Variants in IQCJ observed in about 807,000 individuals in gnomAD.
IQCJ encodes IQ domain-containing protein J.
Under a neutral mutation model 11.0 loss-of-function variants are expected in IQCJ, and 9 were observed. The observed-to-expected ratio is 0.82, with a 90% CI of 0.49 to 1.43. The LOEUF (loss-of-function observed/expected upper bound fraction) is 1.43. Ranked by LOEUF, IQCJ falls within the 40% of genes most tolerant of loss-of-function variation. The pLI, the probability that IQCJ is intolerant of heterozygous loss-of-function variation, is 0.00. For missense variants in IQCJ, 146 were observed against 133.2 expected, an observed-to-expected ratio of 1.10 and a Z score of -0.47; for synonymous variants, 55 against 51.3, an observed-to-expected ratio of 1.07 and a Z score of -0.31.
At chr3:159,187,863 C>T (rs549724192) in intron 1 of IQCJ, among the ~76,000 whole-genome samples, 50 of 152,276 alleles carry the variant, frequency 3.3e-4, no homozygotes, top group African/African-American at 1.2e-3. Flanking sequence ...CAAGCAGGAC[C>T]TGGAATCCCG....
intron 2 of IQCJ, among the ~76,000 whole-genome samples, chr3:159,252,150 C>G (rs552553082): frequency 6.6e-6 from 1 of 152,270 alleles, no homozygotes; most frequent in Non-Finnish European, 1.5e-5. Flanking sequence ...AAACTCATCC[C>G]AAGAGCTGCC....
Position 159,252,707 on chromosome 3 carries a change from G to C in IQCJ, c.75-20G>C, listed in dbSNP as rs757910685. On this transcript the variant is annotated intron_variant, in intron 2 of 3. Transcript: ENST00000397832. ...AACCTTCTGGATTGGGAGATATTGA[G>C]ACATTATTTCTGTTTCTAGTCACCA... 6.2e-7 allele frequency: 1 copy of C among 1,606,372 alleles called. No homozygotes were observed. Among genetic ancestry groups the C allele is most frequent in the East Asian group, 2.2e-5 (1 of 44,658 alleles).
intron 1 of IQCJ, among the ~76,000 whole-genome samples, chr3:159,118,276 G>A (rs1559992403): frequency 1.3e-5 from 2 of 152,154 alleles, no homozygotes; most frequent in Admixed American, 6.5e-5. Context: ...AGAAGAACAA[G>A]AAATCCTGGG....
At chr3:159,102,619 C>T (rs1328322600) in intron 1 of IQCJ, among the ~76,000 whole-genome samples, 2 of 152,174 alleles carry the variant, frequency 1.3e-5, no homozygotes, top group African/African-American at 4.8e-5. Context: ...ATTTCTAATA[C>T]ATTACTGTTT....
chr3:159,089,075 G>C (rs1052156471), intron 1 of IQCJ, among the ~76,000 whole-genome samples: 14 of 152,116 alleles, frequency 9.2e-5, no homozygotes, highest in Non-Finnish European at 1.9e-4. Flanking sequence ...TCCTTTACAT[G>C]TTTAGTGCTT....
intron 1 of IQCJ, among the ~76,000 whole-genome samples, chr3:159,234,325 A>C (rs572997727): frequency 1.1e-4 from 17 of 152,234 alleles, no homozygotes; most frequent in Non-Finnish European, 2.1e-4. Flanking sequence ...AGTTCAAAGA[A>C]ATGACATAGA....
chr3:159,236,093 A>T (rs779435139), intron 1 of IQCJ, among the ~76,000 whole-genome samples: 15 of 152,144 alleles, frequency 9.9e-5, no homozygotes, highest in Non-Finnish European at 2.1e-4. Context: ...TCATGTGACC[A>T]TAACTTAACT....
chr3:159,130,827 C>T (rs969573301), intron 1 of IQCJ, among the ~76,000 whole-genome samples: 10 of 152,094 alleles, frequency 6.6e-5, no homozygotes, highest in Middle Eastern at 3.4e-3. Flanking sequence ...TAATTTAGTC[C>T]GATTTACTTT....
At chr3:159,261,706 T>C (rs1728218454) in intron 3 of IQCJ, among the ~76,000 whole-genome samples, 1 of 152,198 alleles carries the variant, frequency 6.6e-6, no homozygotes, top group South Asian at 2.1e-4. Context: ...GAAAACGGAC[T>C]AATACACAGT....
Position 159,091,740 on chromosome 3 carries a change from C to G in IQCJ, c.9+22299C>G, listed in dbSNP as rs554992884. On this transcript the variant is annotated intron_variant, in intron 1 of 3. Transcript: ENST00000397832. ...CGGCAGCTTGAAGGACTTCCTTTGGCTAAAATTTGGGACAATTTGAGTATC... is the reference window on the plus strand; with the variant it reads ...CGGCAGCTTGAAGGACTTCCTTTGGGTAAAATTTGGGACAATTTGAGTATC... Among the ~76,000 whole-genome samples the G allele has an allele frequency of 2.7e-4, 41 of 149,598 alleles. 2 individuals carry two copies. Among genetic ancestry groups the G allele is most frequent in the African/African-American group, 9.5e-4 (38 of 40,158 alleles).
chr3:159,170,544 A>G (rs931848011), intron 1 of IQCJ, among the ~76,000 whole-genome samples: 6 of 152,188 alleles, frequency 3.9e-5, no homozygotes, highest in African/African-American at 1.4e-4. Context: ...TTTTATACCA[A>G]ACTAAACTTT....
rs532110428 is a variant in IQCJ, at chr3:159,180,625, G to A, written c.10-65218G>A. ...GGAGAGAGAGTGAAAACAAAAACAT[G>A]TAGTATGTTAACTAATAAATATAGA... On this transcript the variant is annotated intron_variant, in intron 1 of 3. Coordinates refer to ENST00000397832, the MANE Select transcript of IQCJ (RefSeq NM_001042706.3). 7.2e-5 allele frequency among the ~76,000 whole-genome samples: 11 copies of A among 152,040 alleles called. No individual in the cohort carries two copies. The East Asian group carries it at 1.2e-3, about 16-fold the overall frequency.
chr3:159,081,816 T>G (rs1272122254), intron 1 of IQCJ, among the ~76,000 whole-genome samples: 1 of 152,098 alleles, frequency 6.6e-6, no homozygotes, highest in Non-Finnish European at 1.5e-5. Flanking sequence ...ATTTTTGCCC[T>G]TAAACAAAAA....
intron 1 of IQCJ, among the ~76,000 whole-genome samples, chr3:159,080,498 C>T (rs543859148): frequency 3.3e-5 from 5 of 152,206 alleles, no homozygotes; most frequent in South Asian, 2.1e-4. Context: ...ACACCAGCCC[C>T]GCTGTCAGAG....
intron 1 of IQCJ, among the ~76,000 whole-genome samples, chr3:159,116,649 T>TATATATATATATATATATATAC (rs1465069737): frequency 2.6e-5 from 1 of 37,838 alleles, no homozygotes; most frequent in Non-Finnish European, 4.9e-5. Context: ...TATATATATA[T>TATATATATATATATATATATAC]ATATATATAT....
At chr3:159,247,020 G>A (rs1392573561) in intron 2 of IQCJ, among the ~76,000 whole-genome samples, 1 of 152,160 alleles carries the variant, frequency 6.6e-6, no homozygotes, top group Non-Finnish European at 1.5e-5. Context: ...AAGGAGCACA[G>A]CCAACACTCC....
chr3:159,151,158 C>A (rs2108202054), intron 1 of IQCJ, among the ~76,000 whole-genome samples: 1 of 152,340 alleles, frequency 6.6e-6, no homozygotes, highest in East Asian at 1.9e-4. Flanking sequence ...AGCAGAACAT[C>A]TCTTCCACCA....
chr3:159,239,833 C>T (rs1443617364), intron 1 of IQCJ, among the ~76,000 whole-genome samples: 3 of 152,096 alleles, frequency 2.0e-5, no homozygotes, highest in Non-Finnish European at 4.4e-5. Flanking sequence ...TTATAATTTT[C>T]TTACAGTAAC....
intron 1 of IQCJ, among the ~76,000 whole-genome samples, chr3:159,072,866 C>T (rs1283583466): frequency 1.3e-5 from 2 of 152,044 alleles, no homozygotes; most frequent in South Asian, 2.1e-4. Flanking sequence ...AGCCTTCTAG[C>T]CACTATACAA....
Sources: gnomAD v4.1 joint callset for allele counts (sites outside exome capture counted in the v4.1 genomes callset) on GRCh38, gnomAD v4.1.1 for gene constraint, MANE v1.5 for transcripts, NCBI Gene and HGNC (gene_info 2026-07-23, HGNC 2026-07-21) for gene names.